MMP16: variants seen among roughly 807,000 people sequenced by gnomAD.
MMP16 encodes matrix metalloproteinase-16.
In MMP16, 12 loss-of-function variants were observed where a neutral mutation model predicts 67.8. That is an observed-to-expected ratio of 0.18 (90% CI 0.11 to 0.29). The LOEUF (loss-of-function observed/expected upper bound fraction) is 0.29, where lower values mean the gene tolerates loss of function less well. MMP16 is among the 10% of genes least tolerant of loss of function. MMP16 has a pLI of 1.00. For synonymous variants in MMP16, 249 were observed against 255.9 expected, an observed-to-expected ratio of 0.97 and a Z score of 0.26; for missense variants, 475 against 765.7, an observed-to-expected ratio of 0.62 and a Z score of 4.48.
intron 3 of MMP16, among the ~76,000 whole-genome samples, chr8:88,173,519 A>AT (rs1371982588): frequency 6.6e-6 from 1 of 152,202 alleles, no homozygotes; most frequent in Non-Finnish European, 1.5e-5. Context: ...TAAATAGATA[A>AT]AAATTAGTTA....
intron 1 of MMP16, among the ~76,000 whole-genome samples, chr8:88,233,965 T>G (rs1357052201): frequency 6.6e-6 from 1 of 152,206 alleles, no homozygotes; most frequent in East Asian, 1.9e-4. Context: ...ACATGAAAAC[T>G]AACATATATT....
intron 7 of MMP16, among the ~76,000 whole-genome samples, chr8:88,061,157 CACACACACACACA>C (rs1353021230): frequency 1.3e-5 from 2 of 151,348 alleles, no homozygotes; most frequent in Non-Finnish European, 3.0e-5. Context: ...CACACACACA[CACACACACACACA>C]CCCCTCATCC....
chr8:88,104,991 A>G (rs1250777883), intron 6 of MMP16, among the ~76,000 whole-genome samples: 1 of 151,634 alleles, frequency 6.6e-6, no homozygotes, highest in Non-Finnish European at 1.5e-5. Flanking sequence ...GCCTAAGTAT[A>G]AAATATTTAT....
chr8:88,085,895 A>T (rs951873169), intron 6 of MMP16, among the ~76,000 whole-genome samples: 3 of 150,004 alleles, frequency 2.0e-5, no homozygotes, highest in African/African-American at 7.6e-5. Context: ...GAGTTTAGTG[A>T]TGTAGCAGAT....
At chr8:88,072,877 C>A (rs1563523658) in intron 7 of MMP16, among the ~76,000 whole-genome samples, 1 of 152,104 alleles carries the variant, frequency 6.6e-6, no homozygotes, top group Admixed American at 6.6e-5. Context: ...AGGGAGGCCA[C>A]TGGAGGACAT....
intron 1 of MMP16, among the ~76,000 whole-genome samples, chr8:88,272,706 T>C (rs986700797): frequency 2.0e-5 from 3 of 152,168 alleles, no homozygotes; most frequent in African/African-American, 7.2e-5. Context: ...GTGAAACCTA[T>C]GTTGAAAAGG....
intron 3 of MMP16, among the ~76,000 whole-genome samples, chr8:88,174,093 T>G (rs1013444797): frequency 2.0e-5 from 3 of 152,212 alleles, no homozygotes; most frequent in Non-Finnish European, 4.4e-5. Context: ...TATACACTAT[T>G]AAAGTAAAAT....
At chr8:88,159,346 C>T (rs986149435) in intron 4 of MMP16, among the ~76,000 whole-genome samples, 1 of 152,108 alleles carries the variant, frequency 6.6e-6, no homozygotes, top group African/African-American at 2.4e-5. Context: ...TTTCCTTGAG[C>T]AGTGGTTTGT....
At position 88,136,573 on chromosome 8, in the gene MMP16, A is replaced by C. The variant is rs141314705; in HGVS notation, c.710-17712T>G. On this transcript the variant is annotated intron_variant, in intron 4 of 9. Coordinates refer to ENST00000286614, the MANE Select transcript of MMP16 (RefSeq NM_005941.5). Reference sequence around the variant, plus strand: ...AAAGGAACGGTTATCAGAGCCTGATAACCACAGATTAGGGTGCTCATTTTT... The same window carrying C: ...AAAGGAACGGTTATCAGAGCCTGATCACCACAGATTAGGGTGCTCATTTTT... Among the ~76,000 whole-genome samples the C allele has an allele frequency of 5.9e-5, 9 of 151,674 alleles. No individual in the cohort carries two copies. The East Asian group carries it at 1.8e-3, about 30-fold the overall frequency.
chr8:88,181,645 G>A (rs954096578), intron 3 of MMP16, among the ~76,000 whole-genome samples: 6 of 151,658 alleles, frequency 4.0e-5, no homozygotes, highest in Non-Finnish European at 8.8e-5. Flanking sequence ...CTCATGGCAA[G>A]TTATTTTGTG....
chr8:88,277,525 C>G (rs1585994760), intron 1 of MMP16, among the ~76,000 whole-genome samples: 2 of 152,146 alleles, frequency 1.3e-5, no homozygotes, highest in South Asian at 4.2e-4. Flanking sequence ...CTTTCTGGAT[C>G]GACTATAGCT....
At chr8:88,105,839 C>T (rs1809228440) in intron 6 of MMP16, among the ~76,000 whole-genome samples, 1 of 150,688 alleles carries the variant, frequency 6.6e-6, no homozygotes, top group African/African-American at 2.4e-5. Context: ...ACAAATTTTC[C>T]TTGATTAAAT....
At chr8:88,200,338 AG>A (rs1464445038) in intron 1 of MMP16, among the ~76,000 whole-genome samples, 4 of 152,064 alleles carry the variant, frequency 2.6e-5, no homozygotes, top group Non-Finnish European at 5.9e-5. Flanking sequence ...AAAAATATCA[AG>A]GGACAAACAA....
At chr8:88,114,878 T>TA (rs1324527887) in intron 6 of MMP16, among the ~76,000 whole-genome samples, 2 of 151,928 alleles carry the variant, frequency 1.3e-5, no homozygotes, top group Non-Finnish European at 2.9e-5. Flanking sequence ...GCATTCTACT[T>TA]GAGAGTCTGA....
chr8:88,277,127 C>G (rs1810661278), intron 1 of MMP16, among the ~76,000 whole-genome samples: 1 of 152,042 alleles, frequency 6.6e-6, no homozygotes, highest in Non-Finnish European at 1.5e-5. Context: ...TACATATTAA[C>G]TATTCTGAAG....
chr8:88,070,175 T>G (rs1808528492), intron 7 of MMP16, among the ~76,000 whole-genome samples: 1 of 152,158 alleles, frequency 6.6e-6, no homozygotes, highest in African/African-American at 2.4e-5. Context: ...TTCCTGATCT[T>G]TTGGGGTATG....
At chr8:88,294,409 T>C (rs191924990) in intron 1 of MMP16, among the ~76,000 whole-genome samples, 4 of 141,884 alleles carry the variant, frequency 2.8e-5, no homozygotes, top group South Asian at 4.3e-4. Context: ...TGTATATACA[T>C]ATATACACAT....
At chr8:88,209,372 A>AT (rs1379568243) in intron 1 of MMP16, among the ~76,000 whole-genome samples, 3 of 152,034 alleles carry the variant, frequency 2.0e-5, no homozygotes, top group Non-Finnish European at 4.4e-5. Flanking sequence ...CTTCCATATG[A>AT]TTTTCTTAAT....
intron 8 of MMP16, among the ~76,000 whole-genome samples, chr8:88,055,860 A>AG (rs1349342346): frequency 6.6e-6 from 1 of 152,228 alleles, no homozygotes; most frequent in Non-Finnish European, 1.5e-5. Flanking sequence ...CTGCTTACAT[A>AG]GCATTATGGG....
Sources: gnomAD v4.1 joint callset for allele counts (sites outside exome capture counted in the v4.1 genomes callset) on GRCh38, gnomAD v4.1.1 for gene constraint, MANE v1.5 for transcripts, NCBI Gene and HGNC (gene_info 2026-07-23, HGNC 2026-07-21) for gene names.